The following SLC36A1 variants were observed in gnomAD, a reference collection of about 807,000 sequenced individuals.
SLC36A1 encodes the protein solute carrier family 36 member 1, also known as proton-coupled amino acid transporter 1.
A neutral mutation model predicts 47.5 loss-of-function variants in SLC36A1; 30 were observed. That is an observed-to-expected ratio of 0.63 (90% CI 0.47 to 0.86). The LOEUF is 0.86. Among genes scored for constraint, SLC36A1 ranks in the 40% least tolerant of loss-of-function variants. The pLI is 0.00. For synonymous variants in SLC36A1, 255 were observed against 249.7 expected (o/e 1.02, Z -0.20); for missense variants, 517 against 606.0 (o/e 0.85, Z 1.54).
At chr5:151,519,875 C>G in the SLC36A1 span, among the ~76,000 whole-genome samples, 1 of 152,174 alleles carries the variant, frequency 6.6e-6, no homozygotes, top group Non-Finnish European at 1.5e-5. Context: ...CTAGGACTCA[C>G]TCAGAACCTT....
the SLC36A1 span, among the ~76,000 whole-genome samples, chr5:151,497,762 T>C: frequency 6.6e-6 from 1 of 152,098 alleles, no homozygotes. Context: ...ATCCTGGGCC[T>C]CTGCCCACTA....
At chr5:151,396,205 C>T in the SLC36A1 span, among the ~76,000 whole-genome samples, 7 of 151,942 alleles carry the variant, frequency 4.6e-5, no homozygotes, top group African/African-American at 7.3e-5. Flanking sequence ...CTCCACCTCC[C>T]GGGTTCAAGC....
In SLC36A1 at chr5:151,489,948, G is replaced by A. The variant is rs1316304747; in HGVS notation, c.*1694G>A. On this transcript the variant is annotated 3_prime_UTR_variant, in exon 11 of 11. Transcript: ENST00000243389. The surrounding 1 kb of genome is among the most constrained non-coding windows in gnomAD (Gnocchi z 4.5). Reference sequence around the variant, plus strand: ...GCAGCAAAAATGTATCAGGGGTTTTGCTTCTGTGTTTCGCCAAAGCTCATA... The same window carrying A: ...GCAGCAAAAATGTATCAGGGGTTTTACTTCTGTGTTTCGCCAAAGCTCATA... 1 of 152,148 alleles carries A rather than the reference G, an allele frequency of 6.6e-6. No homozygotes were observed. Among genetic ancestry groups the A allele is most frequent in the East Asian group, 1.9e-4 (1 of 5,186 alleles). The allele number at this position is 152,148 out of a possible 1,614,324, so 9.4% of individuals were successfully genotyped here. A position where few individuals can be genotyped will look rare whatever the true frequency, so the allele number is the denominator to read the frequency against.
the SLC36A1 span, chr5:151,380,568 C>T: frequency 3.7e-6 from 2 of 543,946 alleles, no homozygotes; most frequent in South Asian, 2.8e-5. Context: ...AGAAACTGGA[C>T]ATGCGTCTGA....
the SLC36A1 span, among the ~76,000 whole-genome samples, chr5:151,518,374 A>ATTATTATTATTATTATTATTATT: frequency 1.4e-5 from 2 of 147,396 alleles, no homozygotes; most frequent in South Asian, 2.2e-4. Flanking sequence ...TAATAATAAT[A>ATTATTATTATTATTATTATTATT]ATTTTTAAAA....
At chr5:151,382,801 T>C in the SLC36A1 span, among the ~76,000 whole-genome samples, 1 of 152,218 alleles carries the variant, frequency 6.6e-6, no homozygotes, top group African/African-American at 2.4e-5. Flanking sequence ...TGGAGGAACC[T>C]GTTAGTTGAG....
In SLC36A1 at chr5:151,492,304, C is replaced by A. The variant is rs1380844848; in HGVS notation, c.*4050C>A. On this transcript the variant is annotated 3_prime_UTR_variant, in exon 11 of 11. Transcript: ENST00000243389. ...GTGGATCATGCCAGAGTTCGTAGATCCTGTTTTGGGGTTTGCACATGGATC... is the reference window on the plus strand; with the variant it reads ...GTGGATCATGCCAGAGTTCGTAGATACTGTTTTGGGGTTTGCACATGGATC... 1 of 152,096 alleles carries A rather than the reference C, an allele frequency of 6.6e-6. No individual in the cohort carries two copies. The highest frequency in any genetic ancestry group is 1.5e-5 in the Non-Finnish European group (1 of 68,006). The allele number at this position is 152,096 out of a possible 1,614,324, so 9.4% of individuals were successfully genotyped here. A position where few individuals can be genotyped will look rare whatever the true frequency, so the allele number is the denominator to read the frequency against.
the SLC36A1 span, chr5:151,544,078 C>T: frequency 1.2e-6 from 2 of 1,614,170 alleles, no homozygotes. Context: ...ATCCATGGCC[C>T]TGACTTTCAC....
chr5:151,383,883 A>AT, the SLC36A1 span, among the ~76,000 whole-genome samples: 2 of 151,938 alleles, frequency 1.3e-5, no homozygotes, highest in Non-Finnish European at 2.9e-5. Flanking sequence ...TTTAACTTAA[A>AT]TTTTTTTCAG....
the SLC36A1 span, among the ~76,000 whole-genome samples, chr5:151,402,292 C>T: frequency 2.0e-5 from 3 of 152,070 alleles, no homozygotes; most frequent in African/African-American, 7.2e-5. Context: ...TGGTGAGTAA[C>T]ATTTATTGGT....
intron 6 of SLC36A1, 26 bp downstream of exon 6, chr5:151,467,309 A>AG: frequency 7.1e-7 from 1 of 1,404,480 alleles, no homozygotes; most frequent in Non-Finnish European, 9.8e-7. Context: ...AAAAAGAAAA[A>AG]AAAAAAAAAA....
At chr5:151,362,519 T>C in the SLC36A1 span, among the ~76,000 whole-genome samples, 8 of 151,376 alleles carry the variant, frequency 5.3e-5, no homozygotes, top group Admixed American at 5.3e-4. Context: ...GCCTCCCGAA[T>C]AGCTGGGACT....
the SLC36A1 span, among the ~76,000 whole-genome samples, chr5:151,518,259 G>A: frequency 3.3e-5 from 5 of 151,838 alleles, no homozygotes; most frequent in Admixed American, 2.6e-4. Flanking sequence ...TGAGGCAGGA[G>A]TATCACTTGA....
chr5:151,392,577 G>T, the SLC36A1 span, among the ~76,000 whole-genome samples: 18 of 152,192 alleles, frequency 1.2e-4, no homozygotes, highest in African/African-American at 4.1e-4. Context: ...CCTTAAATGT[G>T]TCCCAGAGAT....
At chr5:151,373,892 G>A in the SLC36A1 span, among the ~76,000 whole-genome samples, 2 of 152,120 alleles carry the variant, frequency 1.3e-5, no homozygotes, top group Non-Finnish European at 2.9e-5. Flanking sequence ...GAGCCACTGT[G>A]CTCAGCCTGT....
At chr5:151,495,387 G>A (rs1760309674), downstream of SLC36A1, among the ~76,000 whole-genome samples, 1 of 152,152 alleles carries the variant, frequency 6.6e-6, no homozygotes, top group Non-Finnish European at 1.5e-5. Context: ...GCACAGGAGG[G>A]AGGTCCAGGT....
At chr5:151,517,924 C>CACACG in the SLC36A1 span, among the ~76,000 whole-genome samples, 1 of 152,204 alleles carries the variant, frequency 6.6e-6, no homozygotes, top group Non-Finnish European at 1.5e-5. Flanking sequence ...CCATACCTTT[C>CACACG]TAGCCTCACA....
the SLC36A1 span, chr5:151,527,381 T>C: frequency 1.3e-6 from 2 of 1,597,772 alleles, no homozygotes; most frequent in Non-Finnish European, 1.7e-6. Flanking sequence ...TAGAGGCCTA[T>C]TGCAAAATGT....
At chr5:151,453,697 T>A (rs1754012107) in intron 1 of SLC36A1, among the ~76,000 whole-genome samples, 1 of 152,122 alleles carries the variant, frequency 6.6e-6, no homozygotes, top group Non-Finnish European at 1.5e-5. Flanking sequence ...CCAGATTATG[T>A]TCTCCTGAGT....
Sources: allele counts gnomAD v4.1 joint callset (sites outside exome capture counted in the v4.1 genomes callset), GRCh38; gene constraint gnomAD v4.1.1; non-coding constraint Gnocchi (gnomAD v3.1); transcripts MANE v1.5; gene names NCBI Gene and HGNC (gene_info 2026-07-23, HGNC 2026-07-21).